TET3: variants seen among roughly 807,000 people sequenced by gnomAD.
The protein encoded by TET3 is tet methylcytosine dioxygenase 3.
Under a neutral mutation model 141.4 loss-of-function variants are expected in TET3, and 19 were observed. That is an observed-to-expected ratio of 0.13 (90% CI 0.09 to 0.20). TET3 has a LOEUF of 0.20. Ranked by LOEUF, TET3 falls within the 10% of genes least tolerant of loss-of-function variation. The pLI, the probability that TET3 is intolerant of heterozygous loss-of-function variation, is 1.00. For missense variants in TET3, 1,874 were observed against 2,356.9 expected (o/e 0.80, Z 4.24); for synonymous variants, 1,043 against 980.9 (o/e 1.06, Z -1.18).
At position 74,106,462 on chromosome 2, in the gene TET3, C is replaced by G. The variant is rs1304447913; in HGVS notation, c.*4286C>G. On this transcript the variant is annotated 3_prime_UTR_variant, in exon 12 of 12. Transcript: ENST00000409262. ...GCTAAGCAGACATCTCTGGGAGTCC[C>G]AAGGGCACACCAAGGGAGACCAGAT... is the stretch of plus-strand genomic sequence containing the variant. The G allele has an allele frequency of 2.0e-5, 3 of 153,708 alleles. No individual in the cohort carries two copies. The highest frequency in any genetic ancestry group is 4.4e-5 in the Non-Finnish European group (3 of 68,054). The allele number at this position is 153,708 out of a possible 1,614,324, so 9.5% of individuals were successfully genotyped here. A position where few individuals can be genotyped will look rare whatever the true frequency, so the allele number is the denominator to read the frequency against.
At chr2:74,077,306 C>G (rs1689565764) in intron 5 of TET3, among the ~76,000 whole-genome samples, 1 of 152,196 alleles carries the variant, frequency 6.6e-6, no homozygotes, top group Non-Finnish European at 1.5e-5. Context: ...TCTGACCCAG[C>G]AGGTCTGGAA....
At chr2:74,061,827 G>C (rs1688606257) in intron 4 of TET3, among the ~76,000 whole-genome samples, 1 of 138,132 alleles carries the variant, frequency 7.2e-6, no homozygotes, top group Admixed American at 7.0e-5. Context: ...ACGATGGGCG[G>C]CCGGGCAGAG....
intron 3 of TET3, among the ~76,000 whole-genome samples, chr2:74,022,409 G>A (rs1449257846): frequency 6.6e-6 from 1 of 151,176 alleles, no homozygotes; most frequent in Non-Finnish European, 1.5e-5. Context: ...GTATGTTTGG[G>A]GGGTTTTTTG....
At chr2:74,129,740 T>C in the TET3 span, among the ~76,000 whole-genome samples, 1 of 152,180 alleles carries the variant, frequency 6.6e-6, no homozygotes, top group African/African-American at 2.4e-5. Flanking sequence ...TGTTTTTATA[T>C]CTTCCAGAGA....
At chr2:74,039,361 C>T (rs779168300) in intron 3 of TET3, among the ~76,000 whole-genome samples, 2 of 152,202 alleles carry the variant, frequency 1.3e-5, no homozygotes, top group African/African-American at 2.4e-5. Flanking sequence ...GGACACCCAC[C>T]TGCCCACCTG....
At chr2:73,986,782 G>A in intron 2 of TET3, 76 bp downstream of exon 2, 3 of 1,198,430 alleles carry the variant, frequency 2.5e-6, no homozygotes, top group Non-Finnish European at 3.1e-6. Context: ...TTCAAGCAAG[G>A]CTCGTCCAGT....
At chr2:74,026,077 C>T (rs1686333609) in intron 3 of TET3, among the ~76,000 whole-genome samples, 1 of 152,230 alleles carries the variant, frequency 6.6e-6, no homozygotes, top group Non-Finnish European at 1.5e-5. Context: ...CAGGGCCCAG[C>T]TCCCCAGGAA....
At chr2:74,063,568 G>C (rs965137780) in intron 4 of TET3, among the ~76,000 whole-genome samples, 1 of 151,840 alleles carries the variant, frequency 6.6e-6, no homozygotes, top group Non-Finnish European at 1.5e-5. Context: ...AAGGACAAAT[G>C]CTGCATGATT....
chr2:74,134,507 A>C, the TET3 span: 2 of 323,386 alleles, frequency 6.2e-6, no homozygotes, highest in East Asian at 8.0e-5. Context: ...CTCATTTCTT[A>C]GGGAGGTACC....
chr2:74,023,280 C>T lies in TET3; in HGVS notation c.360+20114C>T, dbSNP rs534697212. On this transcript the variant is annotated intron_variant, in intron 3 of 11. Coordinates refer to ENST00000409262, the MANE Select transcript of TET3 (RefSeq NM_001287491.2). ...TTCGAGACAAGGTCTTGCTGTGTCA[C>T]GTAGGCTGGAGTGCAGCGGTGCTGC... Among the ~76,000 whole-genome samples, 80 of 152,294 alleles carry T rather than the reference C, an allele frequency of 5.3e-4. 3 individuals carry two copies. The South Asian group carries it at 0.015, about 28-fold the overall frequency.
chr2:74,045,610 C>G (rs1008152912), intron 3 of TET3, among the ~76,000 whole-genome samples: 5 of 152,190 alleles, frequency 3.3e-5, no homozygotes, highest in African/African-American at 9.7e-5. Context: ...CAGGACTGAC[C>G]TGGCATGGGG....
At chr2:74,041,868 G>A (rs995336138) in intron 3 of TET3, among the ~76,000 whole-genome samples, 1 of 152,186 alleles carries the variant, frequency 6.6e-6, no homozygotes, top group Non-Finnish European at 1.5e-5. Flanking sequence ...TTGCACAGAT[G>A]TGGCTTGGGG....
At chr2:74,081,583 A>C (rs1053555021) in intron 6 of TET3, among the ~76,000 whole-genome samples, 2 of 152,182 alleles carry the variant, frequency 1.3e-5, no homozygotes, top group Non-Finnish European at 2.9e-5. Context: ...AAGCATTCCC[A>C]GTGAGGAGAA....
At position 74,105,061 on chromosome 2, in the gene TET3, GCTTTCT is replaced by G; in HGVS notation, c.*2886_*2891del. 2 of 397,874 alleles carry G rather than the reference GCTTTCT, an allele frequency of 5.0e-6. No individual in the cohort carries two copies. Among genetic ancestry groups the G allele is most frequent in the Non-Finnish European group, 4.4e-6 (1 of 226,046 alleles). 24.6% of individuals were successfully genotyped at this position (397,874 alleles called of 1,614,324 possible). ...TCTTTATCCCCCCCTTGCTGCTGAAGCTTTCTTAAAGAGAAAAATCAAATTTTTATT... is the reference window on the plus strand; with the variant it reads ...TCTTTATCCCCCCCTTGCTGCTGAAGTAAAGAGAAAAATCAAATTTTTATT... On this transcript the variant is annotated 3_prime_UTR_variant, in exon 12 of 12. Coordinates refer to ENST00000409262, the MANE Select transcript of TET3 (RefSeq NM_001287491.2).
At chr2:74,078,624 C>G (rs904237613) in intron 5 of TET3, among the ~76,000 whole-genome samples, 1 of 152,076 alleles carries the variant, frequency 6.6e-6, no homozygotes. Context: ...TTATCTTGTT[C>G]CTAAAGCTTG....
intron 3 of TET3, among the ~76,000 whole-genome samples, chr2:74,017,374 C>A (rs1375146340): frequency 3.3e-5 from 5 of 152,146 alleles, no homozygotes; most frequent in Admixed American, 6.5e-5. Flanking sequence ...GTTAACCAAC[C>A]TTTGGGTATT....
At chr2:74,114,299 C>T in the TET3 span, among the ~76,000 whole-genome samples, 2 of 106,914 alleles carry the variant, frequency 1.9e-5, no homozygotes, top group African/African-American at 3.7e-5. Flanking sequence ...ACCTTGGGGA[C>T]TCGGGGGGGA....
At chr2:74,045,836 G>A (rs1428111248) in intron 3 of TET3, among the ~76,000 whole-genome samples, 3 of 152,170 alleles carry the variant, frequency 2.0e-5, no homozygotes, top group African/African-American at 4.8e-5. Context: ...CTACCCCTAC[G>A]AACCCACACT....
At chr2:74,044,633 G>A (rs1687517858) in intron 3 of TET3, among the ~76,000 whole-genome samples, 1 of 152,222 alleles carries the variant, frequency 6.6e-6, no homozygotes, top group East Asian at 1.9e-4. Flanking sequence ...TTGACCAGGG[G>A]ATCTGGCTTG....
Sources: gnomAD v4.1 joint callset for allele counts (sites outside exome capture counted in the v4.1 genomes callset) on GRCh38, gnomAD v4.1.1 for gene constraint, MANE v1.5 for transcripts, NCBI Gene and HGNC (gene_info 2026-07-23, HGNC 2026-07-21) for gene names.